ADAMTSL1: variants seen among roughly 807,000 people sequenced by gnomAD.
ADAMTSL1 encodes the protein ADAMTS like 1.
Under a neutral mutation model 201.8 loss-of-function variants are expected in ADAMTSL1, and 126 were observed. That is an observed-to-expected ratio of 0.62 (90% CI 0.54 to 0.72). The LOEUF (loss-of-function observed/expected upper bound fraction) is 0.72. Among genes scored for constraint, ADAMTSL1 ranks in the 30% least tolerant of loss-of-function variants. ADAMTSL1 has a pLI of 0.00. For missense variants in ADAMTSL1, 2,679 were observed against 2,277.8 expected, an observed-to-expected ratio of 1.18 and a Z score of -3.59; for synonymous variants, 1,121 against 903.4, an observed-to-expected ratio of 1.24 and a Z score of -4.32.
chr9:17,937,535 C>G (rs1189503307), intron 1 of ADAMTSL1, among the ~76,000 whole-genome samples: 1 of 127,320 alleles, frequency 7.9e-6, no homozygotes, highest in East Asian at 2.3e-4. Flanking sequence ...AAATGGATTC[C>G]TACTTTTAAA....
At chr9:18,056,763 C>T (rs1017988685) in intron 1 of ADAMTSL1, among the ~76,000 whole-genome samples, 10 of 152,134 alleles carry the variant, frequency 6.6e-5, no homozygotes, top group Non-Finnish European at 1.3e-4. Flanking sequence ...TGCTACATTT[C>T]CCCAGCGCAT....
chr9:18,433,108 G>A (rs557738297), intron 2 of ADAMTSL1, among the ~76,000 whole-genome samples: 1 of 152,048 alleles, frequency 6.6e-6, no homozygotes, highest in Non-Finnish European at 1.5e-5. Flanking sequence ...GAATGGGGAA[G>A]TATAAATCCT....
chr9:18,563,831 C>G (rs747057886), intron 3 of ADAMTSL1, among the ~76,000 whole-genome samples: 5 of 152,330 alleles, frequency 3.3e-5, no homozygotes, highest in Non-Finnish European at 5.9e-5. Flanking sequence ...ACTGCCTACT[C>G]AAGCCTTGGT....
At chr9:17,941,419 C>T (rs575873946) in intron 1 of ADAMTSL1, among the ~76,000 whole-genome samples, 3 of 152,026 alleles carry the variant, frequency 2.0e-5, no homozygotes, top group African/African-American at 4.8e-5. Flanking sequence ...TTTTTGGATA[C>T]GTGTAGTTTA....
chr9:18,012,814 C>T (rs186584150), intron 1 of ADAMTSL1, among the ~76,000 whole-genome samples: 72 of 152,062 alleles, frequency 4.7e-4, no homozygotes, highest in Admixed American at 1.1e-3. Flanking sequence ...CTTAAATATT[C>T]TGTGCCTAGA....
chr9:18,537,089 A>G (rs1819821670), intron 3 of ADAMTSL1, among the ~76,000 whole-genome samples: 1 of 152,190 alleles, frequency 6.6e-6, no homozygotes, highest in African/African-American at 2.4e-5. Context: ...TGTTTTTAAG[A>G]CAACAATATG....
chr9:18,579,701 G>C (rs1314811571), intron 4 of ADAMTSL1, among the ~76,000 whole-genome samples: 1 of 152,080 alleles, frequency 6.6e-6, no homozygotes, highest in African/African-American at 2.4e-5. Flanking sequence ...TCCTATTGCA[G>C]TCATCTTTTG....
chr9:18,282,613 C>T (rs751413572), intron 2 of ADAMTSL1, among the ~76,000 whole-genome samples: 18 of 152,136 alleles, frequency 1.2e-4, no homozygotes, highest in Non-Finnish European at 1.9e-4. Flanking sequence ...GAAAAGAGTA[C>T]GTGGCCGGGT....
intron 26 of ADAMTSL1, among the ~76,000 whole-genome samples, chr9:18,899,870 A>G (rs997804648): frequency 5.3e-5 from 8 of 152,238 alleles, no homozygotes; most frequent in African/African-American, 1.9e-4. Flanking sequence ...CATTCAGAAC[A>G]TAGGCATAGG....
At chr9:18,031,129 G>A (rs953392683) in intron 1 of ADAMTSL1, among the ~76,000 whole-genome samples, 12 of 151,910 alleles carry the variant, frequency 7.9e-5, no homozygotes, top group Middle Eastern at 3.2e-3. Context: ...CTTCTTTGCC[G>A]TCCAGATTTT....
intron 26 of ADAMTSL1, among the ~76,000 whole-genome samples, chr9:18,902,162 T>C (rs931265315): frequency 3.9e-5 from 6 of 152,200 alleles, no homozygotes; most frequent in African/African-American, 9.6e-5. Context: ...AGTTCTATAA[T>C]AGAAACTTCA....
chr9:18,199,506 T>C (rs1007717868), intron 2 of ADAMTSL1, among the ~76,000 whole-genome samples: 7 of 152,046 alleles, frequency 4.6e-5, no homozygotes, highest in Non-Finnish European at 1.0e-4. Context: ...GAAAAAACAA[T>C]CTTTTTGAAG....
chr9:18,780,099 T>C (rs1038355942), intron 19 of ADAMTSL1, among the ~76,000 whole-genome samples: 5 of 152,138 alleles, frequency 3.3e-5, no homozygotes, highest in African/African-American at 9.7e-5. Flanking sequence ...TCCTGACAAT[T>C]TCTTTGAGTG....
rs866732609 is a variant in ADAMTSL1, at chr9:18,646,507, T to G, written c.834+7096T>G. 4.0e-5 allele frequency among the ~76,000 whole-genome samples: 6 copies of G among 150,530 alleles called. No homozygotes were observed. In the South Asian group the frequency reaches 8.4e-4, roughly 21 times the overall value. On this transcript the variant is annotated intron_variant, in intron 7 of 28. Coordinates refer to ENST00000380548, the MANE Select transcript of ADAMTSL1 (RefSeq NM_001040272.6). ...ATGCTCCCAGTTTTTGCCCATTCAG[T>G]ATGATATTGGCTGTGGGTTTGTCAC... is the stretch of plus-strand genomic sequence containing the variant.
chr9:18,554,731 A>C (rs1206901402), intron 3 of ADAMTSL1, among the ~76,000 whole-genome samples: 1 of 150,984 alleles, frequency 6.6e-6, no homozygotes, highest in African/African-American at 2.4e-5. Context: ...TTTTTAGAGA[A>C]ATGGTAGGTT....
chr9:18,465,689 C>T (rs1050118820), intron 2 of ADAMTSL1, among the ~76,000 whole-genome samples: 5 of 152,124 alleles, frequency 3.3e-5, no homozygotes, highest in African/African-American at 1.2e-4. Context: ...TGTACCAAAG[C>T]AGAAAAAGAA....
chr9:18,907,894 G>A (rs1235408175), intron 28 of ADAMTSL1: 1 of 174,488 alleles, frequency 5.7e-6, no homozygotes, highest in Admixed American at 5.4e-5. Context: ...ATGATGGGTA[G>A]AAGGAAGAGA....
At chr9:18,806,388 G>A (rs1203768873) in intron 20 of ADAMTSL1, among the ~76,000 whole-genome samples, 1 of 152,318 alleles carries the variant, frequency 6.6e-6, no homozygotes, top group Non-Finnish European at 1.5e-5. Flanking sequence ...TTATCTAGCT[G>A]TGTGCACAGG....
At chr9:18,205,960 A>C (rs1161470688) in intron 2 of ADAMTSL1, among the ~76,000 whole-genome samples, 1 of 147,428 alleles carries the variant, frequency 6.8e-6, no homozygotes, top group African/African-American at 2.5e-5. Flanking sequence ...AGGCTGAGGC[A>C]GGGGAATCAC....
Sources: allele counts gnomAD v4.1 joint callset (sites outside exome capture counted in the v4.1 genomes callset), GRCh38; gene constraint gnomAD v4.1.1; transcripts MANE v1.5; gene names NCBI Gene and HGNC (gene_info 2026-07-23, HGNC 2026-07-21).